TNNI3K: variants seen among roughly 807,000 people sequenced by gnomAD.
The protein encoded by TNNI3K is serine/threonine-protein kinase TNNI3K.
In TNNI3K, 140 loss-of-function variants were observed where a neutral mutation model predicts 114.5. The observed-to-expected ratio is 1.22, with a 90% confidence interval of 1.07 to 1.41. The LOEUF is 1.41. TNNI3K is among the 40% of genes most tolerant of loss of function. TNNI3K has a pLI of 0.00. For missense variants in TNNI3K, 1,125 were observed against 1,007.6 expected, an observed-to-expected ratio of 1.12 and a Z score of -1.58; for synonymous variants, 347 against 347.5, an observed-to-expected ratio of 1.00 and a Z score of 0.02.
In TNNI3K at chr1:74,429,861, A is replaced by C. The variant is rs530332097; in HGVS notation, c.1773-6219A>C. The stretch of plus-strand genomic sequence containing the variant: ...TTAATCATGTGAGTTAATCACCTTC[A>C]GGGATACATCAGAAAACAGTGGCTT... On this transcript the variant is annotated intron_variant, in intron 17 of 24. Coordinates refer to ENST00000326637, the MANE Select transcript of TNNI3K (RefSeq NM_015978.3). Among the ~76,000 whole-genome samples the C allele has an allele frequency of 8.5e-5, 13 of 152,224 alleles. No homozygotes were observed. The East Asian group carries it at 2.3e-3, about 27-fold the overall frequency.
intron 23 of TNNI3K, among the ~76,000 whole-genome samples, chr1:74,538,227 T>C (rs151229632): frequency 1.2e-3 from 177 of 152,204 alleles, no homozygotes; most frequent in African/African-American, 4.0e-3. Context: ...GTTGAGGAAT[T>C]GTAGAATACA....
intron 5 of TNNI3K, among the ~76,000 whole-genome samples, chr1:74,296,655 A>T (rs1041711085): frequency 6.6e-6 from 1 of 152,084 alleles, no homozygotes; most frequent in Admixed American, 6.5e-5. Context: ...AGAAAAAAAA[A>T]TGACTTATTC....
intron 9 of TNNI3K, among the ~76,000 whole-genome samples, chr1:74,348,846 T>A (rs1051982276): frequency 3.3e-5 from 5 of 152,198 alleles, no homozygotes; most frequent in Non-Finnish European, 7.3e-5. Flanking sequence ...ACATTGATTT[T>A]GTATCCTGAG....
chr1:74,457,768 T>C lies in TNNI3K; in HGVS notation c.2012-5673T>C, dbSNP rs377748189. ...GTTACTTTAGGGATTGAGAATCTAATACTAACTTATCCGTAAGTGGGGTAT... is the reference window on the plus strand; with the variant it reads ...GTTACTTTAGGGATTGAGAATCTAACACTAACTTATCCGTAAGTGGGGTAT... On this transcript the variant is annotated intron_variant, in intron 20 of 24. Transcript: ENST00000326637. 6.6e-5 allele frequency among the ~76,000 whole-genome samples: 10 copies of C among 152,204 alleles called. No individual in the cohort carries two copies. The East Asian group carries it at 1.2e-3, about 18-fold the overall frequency.
intron 17 of TNNI3K, among the ~76,000 whole-genome samples, chr1:74,409,419 C>T (rs1294339351): frequency 1.3e-5 from 2 of 151,488 alleles, no homozygotes; most frequent in Non-Finnish European, 2.9e-5. Flanking sequence ...CTTTGATTTG[C>T]TTAAGATTCC....
intron 5 of TNNI3K, among the ~76,000 whole-genome samples, chr1:74,305,275 G>A (rs1475657442): frequency 6.6e-6 from 1 of 152,202 alleles, no homozygotes; most frequent in Non-Finnish European, 1.5e-5. Flanking sequence ...TGACCGCACT[G>A]TAGAAGCCTA....
At chr1:74,383,845 A>C (rs973713624) in intron 17 of TNNI3K, among the ~76,000 whole-genome samples, 4 of 152,136 alleles carry the variant, frequency 2.6e-5, no homozygotes, top group African/African-American at 9.7e-5. Context: ...TCGTAGCTCT[A>C]TATGATGACA....
chr1:74,286,196 A>G (rs1397083523), intron 5 of TNNI3K, among the ~76,000 whole-genome samples: 4 of 152,184 alleles, frequency 2.6e-5, no homozygotes, highest in Non-Finnish European at 5.9e-5. Flanking sequence ...GAATAAAGTG[A>G]GTCCCTAACT....
chr1:74,518,695 C>G (rs547774058), intron 23 of TNNI3K, among the ~76,000 whole-genome samples: 4 of 151,878 alleles, frequency 2.6e-5, no homozygotes, highest in Non-Finnish European at 5.9e-5. Flanking sequence ...TTTTTAAGCT[C>G]AAAATTATTA....
chr1:74,463,674 C>A, intron 21 of TNNI3K, 124 bp downstream of exon 21: 1 of 1,051,316 alleles, frequency 9.5e-7, no homozygotes, highest in Non-Finnish European at 1.4e-6. Context: ...ACTGATTTGC[C>A]TTCTGCTCTT....
rs1662486771 is a variant in TNNI3K, at chr1:74,369,605, A to T, written c.1667+20A>T. The T allele has an allele frequency of 1.3e-6, 2 of 1,578,360 alleles. No homozygotes were observed. The highest frequency in any genetic ancestry group is 2.4e-5 in the South Asian group (2 of 84,506). ...GAAGAGGTATGGGTCTTTTGTTCTG[A>T]TTTATCCTTGGACATTCCGTAGAAA... On this transcript the variant is annotated intron_variant, in intron 16 of 24. Coordinates refer to ENST00000326637, the MANE Select transcript of TNNI3K (RefSeq NM_015978.3).
At chr1:74,498,791 T>A (rs1325320050) in intron 23 of TNNI3K, among the ~76,000 whole-genome samples, 1 of 152,166 alleles carries the variant, frequency 6.6e-6, no homozygotes, top group East Asian at 1.9e-4. Flanking sequence ...AAGGATAGAA[T>A]ATAGGTGACT....
intron 5 of TNNI3K, among the ~76,000 whole-genome samples, chr1:74,313,542 A>C (rs773443228): frequency 3.3e-5 from 5 of 152,072 alleles, no homozygotes; most frequent in Admixed American, 1.3e-4. Context: ...TTAGAGCCTC[A>C]CTAAGGTTTA....
intron 11 of TNNI3K, among the ~76,000 whole-genome samples, chr1:74,356,357 CT>C (rs1265560988): frequency 6.6e-6 from 1 of 152,070 alleles, no homozygotes; most frequent in Non-Finnish European, 1.5e-5. Flanking sequence ...AGATATATGT[CT>C]TTCGTTGAAT....
intron 5 of TNNI3K, among the ~76,000 whole-genome samples, chr1:74,287,238 C>T (rs1377119130): frequency 6.6e-6 from 1 of 152,002 alleles, no homozygotes; most frequent in Non-Finnish European, 1.5e-5. Context: ...ACAAGTAAAC[C>T]AGTGTATGCA....
chr1:74,262,229 G>A (rs12080871), intron 4 of TNNI3K, among the ~76,000 whole-genome samples: 322 of 152,140 alleles, frequency 2.1e-3, no homozygotes, highest in African/African-American at 7.2e-3. Context: ...ATTCTTTGCT[G>A]TGGGAGGCTG....
chr1:74,274,249 A>T (rs944999514), intron 5 of TNNI3K, among the ~76,000 whole-genome samples: 1 of 152,002 alleles, frequency 6.6e-6, no homozygotes, highest in Non-Finnish European at 1.5e-5. Flanking sequence ...GATAATCATA[A>T]AGGTCTTCAT....
intron 11 of TNNI3K, among the ~76,000 whole-genome samples, chr1:74,365,741 C>G (rs1662235305): frequency 6.6e-6 from 1 of 151,994 alleles, no homozygotes. Flanking sequence ...TTAAGGTTTC[C>G]CTGATCGTGA....
rs200528370 is a variant in TNNI3K at position 74,262,059 on chromosome 1, C to CT, written c.334-9530dup. ...ATTGTATTAATATCTTTTATCCTGACTTTTTTTTTCCTCCTTAGCACATAT... is the reference window on the plus strand; with the variant it reads ...ATTGTATTAATATCTTTTATCCTGACTTTTTTTTTTCCTCCTTAGCACATAT... On this transcript the variant is annotated intron_variant, in intron 4 of 24. Coordinates refer to ENST00000326637, the MANE Select transcript of TNNI3K (RefSeq NM_015978.3). Among the ~76,000 whole-genome samples, 1,460 of 151,566 alleles carry CT rather than the reference C, an allele frequency of 9.6e-3. 24 individuals are homozygous for CT. The highest frequency in any genetic ancestry group is 0.046 in the Admixed American group (693 of 15,218).
Sources: allele counts gnomAD v4.1 joint callset (sites outside exome capture counted in the v4.1 genomes callset), GRCh38; gene constraint gnomAD v4.1.1; transcripts MANE v1.5; gene names NCBI Gene and HGNC (gene_info 2026-07-23, HGNC 2026-07-21).